EPHA7: variants seen among roughly 807,000 people sequenced by gnomAD.
EPHA7 encodes the protein EPH receptor A7, also known as ephrin type-A receptor 7.
Under a neutral mutation model 112.6 loss-of-function variants are expected in EPHA7, and 25 were observed. That is an observed-to-expected ratio of 0.22 (90% confidence interval 0.16 to 0.31). EPHA7 has a LOEUF of 0.31. Ranked by LOEUF, EPHA7 falls within the 10% of genes least tolerant of loss-of-function variation. EPHA7 has a pLI of 1.00. For missense variants in EPHA7, 962 were observed against 1,212.6 expected, an observed-to-expected ratio of 0.79 and a Z score of 3.07; for synonymous variants, 437 against 406.5, an observed-to-expected ratio of 1.07 and a Z score of -0.90.
intron 5 of EPHA7, among the ~76,000 whole-genome samples, chr6:93,336,685 G>A (rs181988494): frequency 6.8e-4 from 104 of 152,158 alleles, no homozygotes; most frequent in Middle Eastern, 3.4e-3. Context: ...ACAGTCATGA[G>A]CCACCCTGCC....
intron 5 of EPHA7, among the ~76,000 whole-genome samples, chr6:93,338,627 C>T (rs990640368): frequency 2.0e-5 from 3 of 151,676 alleles, no homozygotes; most frequent in African/African-American, 7.3e-5. Context: ...AAATAATAAT[C>T]GAAACAATAA....
At chr6:93,295,769 T>C (rs539507462) in intron 5 of EPHA7, among the ~76,000 whole-genome samples, 20 of 151,930 alleles carry the variant, frequency 1.3e-4, no homozygotes, top group African/African-American at 3.6e-4. Context: ...TCACCTCTGT[T>C]ATATATATTT....
chr6:93,350,799 T>C (rs2127936789), intron 5 of EPHA7, among the ~76,000 whole-genome samples: 1 of 152,134 alleles, frequency 6.6e-6, no homozygotes, highest in South Asian at 2.1e-4. Flanking sequence ...CTGCGGAAGA[T>C]ACACAAAAGT....
At chr6:93,290,755 C>T (rs1772317477) in intron 5 of EPHA7, among the ~76,000 whole-genome samples, 1 of 152,142 alleles carries the variant, frequency 6.6e-6, no homozygotes, top group African/African-American at 2.4e-5. Flanking sequence ...GAGTACCTTC[C>T]ATTACAGGAC....
intron 5 of EPHA7, among the ~76,000 whole-genome samples, chr6:93,312,022 A>G (rs1055335387): frequency 6.6e-6 from 1 of 152,160 alleles, no homozygotes; most frequent in Admixed American, 6.5e-5. Context: ...CCATGCTGTA[A>G]ACATATGTGC....
At chr6:93,268,316 A>G (rs1487865331) in intron 7 of EPHA7, among the ~76,000 whole-genome samples, 1 of 151,772 alleles carries the variant, frequency 6.6e-6, no homozygotes, top group African/African-American at 2.4e-5. Flanking sequence ...AAAATGTAAC[A>G]AAATATGTGG....
chr6:93,411,388 T>C (rs906736491), intron 2 of EPHA7, among the ~76,000 whole-genome samples: 1 of 152,182 alleles, frequency 6.6e-6, no homozygotes, highest in African/African-American at 2.4e-5. Flanking sequence ...ACAATAAATA[T>C]TTCATTTTGT....
At chr6:93,250,552 T>C (rs1770161500) in intron 14 of EPHA7, among the ~76,000 whole-genome samples, 1 of 152,052 alleles carries the variant, frequency 6.6e-6, no homozygotes, top group Admixed American at 6.6e-5. Flanking sequence ...AGACAGAATT[T>C]GACGTAGGCC....
At chr6:93,261,754 T>C (rs1171924922) in intron 9 of EPHA7, among the ~76,000 whole-genome samples, 1 of 151,578 alleles carries the variant, frequency 6.6e-6, no homozygotes, top group Non-Finnish European at 1.5e-5. Flanking sequence ...GAAAACTTTA[T>C]ATACAGCAAG....
At chr6:93,374,061 A>G (rs1257968304) in intron 3 of EPHA7, among the ~76,000 whole-genome samples, 1 of 152,202 alleles carries the variant, frequency 6.6e-6, no homozygotes, top group Non-Finnish European at 1.5e-5. Context: ...GAGCCTCAAA[A>G]TAACATGAAG....
intron 5 of EPHA7, among the ~76,000 whole-genome samples, chr6:93,306,873 C>G (rs192814576): frequency 6.6e-4 from 100 of 151,946 alleles, no homozygotes; most frequent in African/African-American, 2.4e-3. Flanking sequence ...TCAATTCCCT[C>G]TAGAAGGAGA....
intron 5 of EPHA7, among the ~76,000 whole-genome samples, chr6:93,283,693 G>T (rs879893662): frequency 2.0e-5 from 3 of 152,006 alleles, no homozygotes; most frequent in South Asian, 4.2e-4. Context: ...AAACACATCC[G>T]AATATCAGAA....
At chr6:93,321,841 A>C (rs547603015) in intron 5 of EPHA7, among the ~76,000 whole-genome samples, 77 of 152,040 alleles carry the variant, frequency 5.1e-4, no homozygotes, top group Non-Finnish European at 8.8e-4. Flanking sequence ...TTTTGAGATT[A>C]ATGTTGGCTT....
rs992578630 is a variant in EPHA7 at position 93,419,499 on chromosome 6, TC to T, written c.-159del. 3.1e-5 allele frequency: 18 copies of T among 585,132 alleles called. No homozygotes were observed. Among genetic ancestry groups the T allele is most frequent in the South Asian group, 1.1e-4 (5 of 45,470 alleles). 36.2% of individuals were successfully genotyped at this position (585,132 alleles called of 1,614,324 possible). ...GCTCCACGTTTAGCTTTTTTTAATT[TC>T]CCCCCCACTCCTGTTCGCTCGCACC... On this transcript the variant is annotated 5_prime_UTR_variant, in exon 1 of 17. Transcript: ENST00000369303.
intron 3 of EPHA7, among the ~76,000 whole-genome samples, chr6:93,391,435 A>G (rs1010139037): frequency 1.3e-5 from 2 of 152,018 alleles, no homozygotes; most frequent in Non-Finnish European, 2.9e-5. Context: ...TGGTATTACC[A>G]AGAACAAATT....
chr6:93,254,756 A>T lies in EPHA7; in HGVS notation c.2423T>A (p.Ile808Asn). ...GGCTGATGTGAATTTCCGGTACTGG[A>T]TGGCTTCGGGTGCTGTCCACCTTAC... Reference protein sequence around the residue: ...IPVRWTAPEAIQYRKFTSASD... With the variant: ...IPVRWTAPEANQYRKFTSASD... The change falls in exon 14 of 17, where the codon ATC becomes AAC. Residue 808 changes from isoleucine (I) to asparagine (N), a missense_variant. Physicochemically the swap from Ile to Asn is moderately radical, Grantham distance 149. Coordinates refer to ENST00000369303, the MANE Select transcript of EPHA7 (RefSeq NM_004440.4). 2 of 1,613,174 alleles carry T rather than the reference A, an allele frequency of 1.2e-6. No individual in the cohort carries two copies. Among genetic ancestry groups the T allele is most frequent in the Admixed American group, 1.7e-5 (1 of 59,984 alleles).
intron 2 of EPHA7, among the ~76,000 whole-genome samples, chr6:93,412,339 C>G (rs866157458): frequency 6.6e-6 from 1 of 151,928 alleles, no homozygotes; most frequent in Non-Finnish European, 1.5e-5. Flanking sequence ...ATTTTAAATA[C>G]TTGATTTGAG....
chr6:93,284,389 A>T (rs1164044407), intron 5 of EPHA7, among the ~76,000 whole-genome samples: 1 of 151,946 alleles, frequency 6.6e-6, no homozygotes, highest in East Asian at 1.9e-4. Flanking sequence ...ATTATCCTAC[A>T]AGGGGAAGAA....
chr6:93,334,596 C>G (rs901693498), intron 5 of EPHA7, among the ~76,000 whole-genome samples: 1 of 152,028 alleles, frequency 6.6e-6, no homozygotes, highest in Non-Finnish European at 1.5e-5. Flanking sequence ...ATCTAAAACA[C>G]TTTCCAACTA....
Sources: allele counts gnomAD v4.1 joint callset (sites outside exome capture counted in the v4.1 genomes callset), GRCh38; gene constraint gnomAD v4.1.1; transcripts MANE v1.5; gene names NCBI Gene and HGNC (gene_info 2026-07-23, HGNC 2026-07-21).